The following CENPP variants were observed in gnomAD, a reference collection of about 807,000 sequenced individuals.
The protein encoded by CENPP is centromere protein P.
CENPP carries 24 observed loss-of-function variants against 35.6 expected under a neutral mutation model. That is an observed-to-expected ratio of 0.67 (90% CI 0.49 to 0.95). The LOEUF is 0.95. CENPP is among the 40% of genes least tolerant of loss of function. The pLI, the probability that CENPP is intolerant of heterozygous loss-of-function variation, is 0.00. For missense variants in CENPP, 332 were observed against 345.3 expected (o/e 0.96, Z 0.31); for synonymous variants, 120 against 125.5 (o/e 0.96, Z 0.29).
chr9:92,395,347 A>G (rs541215221), intron 5 of CENPP, among the ~76,000 whole-genome samples: 30 of 152,256 alleles, frequency 2.0e-4, no homozygotes, highest in African/African-American at 6.5e-4. Context: ...TTGATTTTCA[A>G]TCTTTATCAG....
intron 5 of CENPP, among the ~76,000 whole-genome samples, chr9:92,533,315 A>C (rs1848935294): frequency 3.0e-5 from 3 of 101,368 alleles, no homozygotes; most frequent in South Asian, 3.6e-4. Flanking sequence ...AAAAAAAAAA[A>C]AAAAAAAAAA....
chr9:92,530,049 C>T (rs1848650440), intron 5 of CENPP, among the ~76,000 whole-genome samples: 1 of 151,978 alleles, frequency 6.6e-6, no homozygotes, highest in Non-Finnish European at 1.5e-5. Context: ...TGTAAGTAAT[C>T]TAGAGATTAT....
intron 5 of CENPP, among the ~76,000 whole-genome samples, chr9:92,555,003 TTTG>T (rs57027847): frequency 0.011 from 1,714 of 149,772 alleles, 19 homozygotes; most frequent in African/African-American, 0.027. Flanking sequence ...GTCTGTATTG[TTTG>T]TTGTTGTTGT....
At chr9:92,340,364 T>C (rs1469673652) in intron 3 of CENPP, 1 of 152,210 alleles carries the variant, frequency 6.6e-6, no homozygotes, top group Admixed American at 6.5e-5. Context: ...GCCTGAGACA[T>C]AACATAGGCT....
At chr9:92,361,619 G>T (rs947195174) in intron 4 of CENPP, among the ~76,000 whole-genome samples, 4 of 151,354 alleles carry the variant, frequency 2.6e-5, no homozygotes, top group African/African-American at 7.3e-5. Context: ...AGCTAGGATT[G>T]CAGGCATGCA....
rs1851525682 is a variant in CENPP at position 92,618,670 on chromosome 9, AC to A, written c.*5523del. 4.8e-6 allele frequency: 2 copies of A among 416,398 alleles called. No individual in the cohort carries two copies. Among genetic ancestry groups the A allele is most frequent in the African/African-American group, 2.0e-5 (1 of 48,830 alleles). The allele number at this position is 416,398 out of a possible 1,614,324, so 25.8% of individuals were successfully genotyped here. On this transcript the variant is annotated 3_prime_UTR_variant, in exon 8 of 8. Coordinates refer to ENST00000375587, the MANE Select transcript of CENPP (RefSeq NM_001012267.3). ...CAGGAGTTTTCAACTAAATAGAACA[AC>A]CTTTTTTCTACTTCAGTTAGCCCTA...
intron 5 of CENPP, chr9:92,404,514 G>GT: frequency 2.3e-6 from 3 of 1,294,582 alleles, no homozygotes; most frequent in Non-Finnish European, 1.0e-6. Flanking sequence ...CTGTTTTGAA[G>GT]TTTTTTGTGG....
intron 5 of CENPP, among the ~76,000 whole-genome samples, chr9:92,590,835 A>G (rs114150550): frequency 1.6e-3 from 250 of 152,360 alleles, no homozygotes; most frequent in African/African-American, 5.7e-3. Flanking sequence ...GTATATAACT[A>G]ATATCTGCAT....
intron 4 of CENPP, among the ~76,000 whole-genome samples, chr9:92,361,865 T>A (rs968609258): frequency 2.6e-5 from 4 of 152,158 alleles, no homozygotes; most frequent in Non-Finnish European, 4.4e-5. Flanking sequence ...ATTGATATGA[T>A]ACTTTTATCT....
At chr9:92,352,505 G>GTATATATATATATATATATATATA (rs1554753078) in intron 4 of CENPP, among the ~76,000 whole-genome samples, 6 of 49,778 alleles carry the variant, frequency 1.2e-4, no homozygotes, top group African/African-American at 3.6e-4. Flanking sequence ...GTGTGTGTGT[G>GTATATATATATATATATATATATA]TATACATATA....
At chr9:92,342,210 C>T (rs1187556716) in intron 3 of CENPP, among the ~76,000 whole-genome samples, 2 of 152,242 alleles carry the variant, frequency 1.3e-5, no homozygotes, top group African/African-American at 4.8e-5. Flanking sequence ...CACTTATATT[C>T]TATTGGCCAA....
chr9:92,423,539 A>T (rs143781793), intron 5 of CENPP, among the ~76,000 whole-genome samples: 2 of 152,262 alleles, frequency 1.3e-5, no homozygotes, highest in Admixed American at 1.3e-4. Flanking sequence ...GATTTTTCCA[A>T]AAAAGTTCTA....
chr9:92,487,637 C>A (rs1208293851), intron 5 of CENPP, among the ~76,000 whole-genome samples: 1 of 152,104 alleles, frequency 6.6e-6, no homozygotes, highest in African/African-American at 2.4e-5. Context: ...TCAGCATCAG[C>A]AACACAGTGA....
At chr9:92,462,433 G>C (rs1845149427) in intron 5 of CENPP, among the ~76,000 whole-genome samples, 1 of 152,170 alleles carries the variant, frequency 6.6e-6, no homozygotes, top group African/African-American at 2.4e-5. Flanking sequence ...TGGAATGAAA[G>C]GGACTGACCA....
intron 5 of CENPP, among the ~76,000 whole-genome samples, chr9:92,475,339 T>TA (rs989351981): frequency 2.0e-5 from 3 of 151,668 alleles, no homozygotes; most frequent in African/African-American, 4.8e-5. Context: ...TTTTGTGAAA[T>TA]AAAAAAAAGC....
In CENPP at chr9:92,603,254, C is replaced by T. The variant is rs980329395; in HGVS notation, c.565-8060C>T. 6.6e-5 allele frequency among the ~76,000 whole-genome samples: 10 copies of T among 152,314 alleles called. No individual in the cohort carries two copies. The East Asian group carries it at 9.6e-4, about 15-fold the overall frequency. ...AGGGCCCCGGCAGTACCTGTTCACTCGGTAATGGTTTGATTGTCTAACACA... is the reference window on the plus strand; with the variant it reads ...AGGGCCCCGGCAGTACCTGTTCACTTGGTAATGGTTTGATTGTCTAACACA... On this transcript the variant is annotated intron_variant, in intron 5 of 7. Coordinates refer to ENST00000375587, the MANE Select transcript of CENPP (RefSeq NM_001012267.3).
chr9:92,612,883 C>T (rs1260337259), intron 7 of CENPP, 136 bp from the exon 8 acceptor site: 10 of 1,055,752 alleles, frequency 9.5e-6, no homozygotes, highest in African/African-American at 6.4e-5. Flanking sequence ...TCTCCTCGCC[C>T]GCCACTAGCA....
intron 5 of CENPP, among the ~76,000 whole-genome samples, chr9:92,486,544 G>A (rs1262916432): frequency 3.9e-5 from 6 of 152,292 alleles, no homozygotes; most frequent in South Asian, 4.1e-4. Context: ...TGCTGAGCAC[G>A]TAGGCCCTCC....
At chr9:92,433,413 A>G (rs1442928110) in intron 5 of CENPP, among the ~76,000 whole-genome samples, 3 of 152,224 alleles carry the variant, frequency 2.0e-5, no homozygotes, top group Admixed American at 2.0e-4. Flanking sequence ...TACTTGGTAC[A>G]GACAGTGAGT....
Sources: gnomAD v4.1 joint callset for allele counts (sites outside exome capture counted in the v4.1 genomes callset) on GRCh38, gnomAD v4.1.1 for gene constraint, MANE v1.5 for transcripts, NCBI Gene and HGNC (gene_info 2026-07-23, HGNC 2026-07-21) for gene names.